Variants in APOOL observed in about 807,000 individuals in gnomAD.
APOOL encodes MICOS complex subunit MIC27.
Under a neutral mutation model 23.1 loss-of-function variants are expected in APOOL, and 12 were observed. The ratio of observed to expected loss-of-function variants is 0.52; its 90% CI spans 0.33 to 0.84. The LOEUF (loss-of-function observed/expected upper bound fraction) is 0.84, where lower values mean the gene tolerates loss of function less well. Ranked by LOEUF, APOOL falls within the 40% of genes least tolerant of loss-of-function variation. The pLI, the probability that APOOL is intolerant of heterozygous loss-of-function variation, is 0.02. For synonymous variants in APOOL, 77 were observed against 69.9 expected (o/e 1.10, Z -0.51); for missense variants, 212 against 199.6 (o/e 1.06, Z -0.37).
chrX:85,035,019 C>T (rs1448449452), intron 1 of APOOL, among the ~76,000 whole-genome samples: 1 of 111,859 alleles, frequency 8.9e-6, no homozygotes, highest in African/African-American at 3.2e-5. Context: ...GTTTTAATTT[C>T]TCTGAGAAAT....
At chrX:85,040,368 G>A (rs1602757070) in intron 1 of APOOL, among the ~76,000 whole-genome samples, 2 of 111,602 alleles carry the variant, frequency 1.8e-5, no homozygotes, top group Middle Eastern at 9.1e-3. Context: ...ATGAGTATGT[G>A]TCTTGGGGAT....
chrX:85,052,883 G>A (rs890677566), intron 3 of APOOL, among the ~76,000 whole-genome samples: 2 of 111,662 alleles, frequency 1.8e-5, no homozygotes, highest in African/African-American at 6.5e-5. Flanking sequence ...ATGTTCCTGA[G>A]AGGTCTTTAA....
intron 8 of APOOL, among the ~76,000 whole-genome samples, chrX:85,079,724 C>T (rs1013954989): frequency 9.0e-6 from 1 of 111,270 alleles, no homozygotes; most frequent in African/African-American, 3.3e-5. Context: ...TGGTCCTGTA[C>T]TTTTTTTGGT....
At chrX:85,046,631 C>G in intron 2 of APOOL, 81 bp downstream of exon 2, 2 of 816,231 alleles carry the variant, frequency 2.5e-6, no homozygotes, top group Non-Finnish European at 3.5e-6. Flanking sequence ...TTATCTTTGC[C>G]CATCAAAAAT....
intron 1 of APOOL, among the ~76,000 whole-genome samples, chrX:85,015,059 G>T (rs367663713): frequency 9.1e-6 from 1 of 110,117 alleles, no homozygotes; most frequent in South Asian, 3.9e-4. Flanking sequence ...GGGTTAATTC[G>T]AAAGCCTTGT....
At chrX:85,060,976 C>G (rs924480069) in intron 5 of APOOL, among the ~76,000 whole-genome samples, 2 of 111,390 alleles carry the variant, frequency 1.8e-5, no homozygotes, top group African/African-American at 6.5e-5. Context: ...AAAGGGAATG[C>G]TTCCAGTTTT....
intron 8 of APOOL, among the ~76,000 whole-genome samples, chrX:85,079,157 CT>C (rs1923982360): frequency 8.9e-6 from 1 of 111,758 alleles, no homozygotes; most frequent in Non-Finnish European, 1.9e-5. Flanking sequence ...GAGGGCACCC[CT>C]GTCTTGTGCC....
rs1367236390 is a variant in APOOL at position 85,029,823 on chromosome X, T to G, written c.16-16623T>G. 7.1e-5 allele frequency among the ~76,000 whole-genome samples: 8 copies of G among 112,400 alleles called. No individual in the cohort carries two copies. In the Admixed American group the frequency reaches 7.5e-4, roughly 11 times the overall value. ...AAATCCACAATGAGCTACCACTTAC[T>G]TCTGCAAGAATGGCCATAATTAAAA... is the stretch of plus-strand genomic sequence containing the variant. On this transcript the variant is annotated intron_variant, in intron 1 of 8. Transcript: ENST00000373173.
chrX:85,077,813 G>C (rs1923918363), intron 8 of APOOL, among the ~76,000 whole-genome samples: 1 of 112,005 alleles, frequency 8.9e-6, no homozygotes, highest in Non-Finnish European at 1.9e-5. Context: ...ACTGGTGTGA[G>C]ATGGTATCTC....
intron 1 of APOOL, among the ~76,000 whole-genome samples, chrX:85,041,304 C>G (rs1294225226): frequency 3.6e-5 from 4 of 111,789 alleles, no homozygotes. Flanking sequence ...ATATTTTGGG[C>G]TCTTCTCTCC....
chrX:85,028,941 G>A (rs1291750794), intron 1 of APOOL, among the ~76,000 whole-genome samples: 1 of 111,155 alleles, frequency 9.0e-6, no homozygotes, highest in Non-Finnish European at 1.9e-5. Context: ...ATCTGTTGGT[G>A]GACACTTAGG....
Position 85,093,178 on chromosome X carries a change from T to C in APOOL, c.*5500T>C, listed in dbSNP as rs1924581047. On this transcript the variant is annotated 3_prime_UTR_variant, in exon 9 of 9. Coordinates refer to ENST00000373173, the MANE Select transcript of APOOL (RefSeq NM_198450.6). The stretch of plus-strand genomic sequence containing the variant: ...TATAGAATATCAATACTAATTGTAA[T>C]ACATACCTGACTTAGCCTCTTCAGC... 2 of 1,157,982 alleles carry C rather than the reference T, an allele frequency of 1.7e-6. No individual in the cohort carries two copies. The highest frequency in any genetic ancestry group is 3.3e-5 in the East Asian group (1 of 30,619).
chrX:85,005,805 T>G (rs762147936), intron 1 of APOOL, among the ~76,000 whole-genome samples: 8 of 111,301 alleles, frequency 7.2e-5, no homozygotes, highest in Non-Finnish European at 1.5e-4. Context: ...GCTCTGACGC[T>G]CAAAAGGAGA....
intron 1 of APOOL, among the ~76,000 whole-genome samples, chrX:85,041,493 G>A (rs1400269667): frequency 9.0e-6 from 1 of 111,679 alleles, no homozygotes; most frequent in Non-Finnish European, 1.9e-5. Context: ...TGCCTAGACA[G>A]GTATAGCAGA....
intron 1 of APOOL, among the ~76,000 whole-genome samples, chrX:85,045,058 C>T (rs1922530134): frequency 9.0e-6 from 1 of 111,501 alleles, no homozygotes; most frequent in African/African-American, 3.3e-5. Flanking sequence ...TCATGGGGAC[C>T]ATACTTGCTG....
At chrX:85,026,782 C>T (rs1380716680) in intron 1 of APOOL, among the ~76,000 whole-genome samples, 1 of 111,598 alleles carries the variant, frequency 9.0e-6, no homozygotes, top group African/African-American at 3.3e-5. Flanking sequence ...CCATCTCAGA[C>T]CTCAGCAGCC....
intron 3 of APOOL, among the ~76,000 whole-genome samples, chrX:85,051,782 C>T (rs1284860030): frequency 1.8e-5 from 2 of 111,713 alleles, no homozygotes; most frequent in Non-Finnish European, 3.8e-5. Flanking sequence ...ATCTCTGGCA[C>T]CTTGTTAAGG....
At position 85,090,061 on chromosome X, in the gene APOOL, T is replaced by A. The variant is rs181439771; in HGVS notation, c.*2383T>A. On this transcript the variant is annotated 3_prime_UTR_variant, in exon 9 of 9. Coordinates refer to ENST00000373173, the MANE Select transcript of APOOL (RefSeq NM_198450.6). ...CATTGGTGCTATCAAGGACGTAGAC[T>A]TTTTCTCTTTCCACTCTGTCCTCTA... The A allele has an allele frequency of 9.0e-6, 1 of 110,752 alleles. No homozygotes were observed. The highest frequency in any genetic ancestry group is 9.7e-5 in the Admixed American group (1 of 10,344). The allele number at this position is 110,752 out of a possible 1,213,427, so 9.1% of individuals were successfully genotyped here.
Position 85,092,615 on chromosome X carries a change from T to C in APOOL, c.*4937T>C. 1 of 1,059,126 alleles carries C rather than the reference T, an allele frequency of 9.4e-7. No individual in the cohort carries two copies. Among genetic ancestry groups the C allele is most frequent in the Non-Finnish European group, 1.3e-6 (1 of 773,195 alleles). 87.3% of individuals were successfully genotyped at this position (1,059,126 alleles called of 1,213,427 possible). On this transcript the variant is annotated 3_prime_UTR_variant, in exon 9 of 9. Coordinates refer to ENST00000373173, the MANE Select transcript of APOOL (RefSeq NM_198450.6). The stretch of plus-strand genomic sequence containing the variant: ...CTTTCATTTGAAAGTATAATCTTCG[T>C]TAACACATATATTTTATTGAAGGTC...
Sources: gnomAD v4.1 joint callset for allele counts (sites outside exome capture counted in the v4.1 genomes callset) on GRCh38, gnomAD v4.1.1 for gene constraint, MANE v1.5 for transcripts, NCBI Gene and HGNC (gene_info 2026-07-23, HGNC 2026-07-21) for gene names.